ART3: variants seen among roughly 807,000 people sequenced by gnomAD.
ART3 encodes the protein ADP-ribosyltransferase 3 (inactive).
ART3 carries 49 observed loss-of-function variants against 48.5 expected under a neutral mutation model. The ratio of observed to expected loss-of-function variants is 1.01; its 90% confidence interval spans 0.80 to 1.28. The LOEUF is 1.28. Ranked by LOEUF, ART3 falls within the 50% of genes most tolerant of loss-of-function variation. The pLI is 0.00. For missense variants in ART3, 438 were observed against 454.3 expected (o/e 0.96, Z 0.33); for synonymous variants, 145 against 157.2 (o/e 0.92, Z 0.58).
intron 3 of ART3, among the ~76,000 whole-genome samples, chr4:76,085,080 A>T (rs1481345932): frequency 6.6e-6 from 1 of 152,230 alleles, no homozygotes; most frequent in East Asian, 1.9e-4. Flanking sequence ...GACTTGCATT[A>T]AAGGAACACA....
rs1189048087 is a variant in ART3, at chr4:76,046,413, TGTTC to T, written c.-9-29466_-9-29463del. On this transcript the variant is annotated intron_variant, in intron 1 of 9. Coordinates refer to the ART3 transcript ENST00000341029. ...AGATCTTGCACTAGTCTCCACTGAC[TGTTC>T]GGTTTTTGTACTCCTAGAACTGGGG... Among the ~76,000 whole-genome samples the T allele has an allele frequency of 2.0e-5, 3 of 152,062 alleles. 1 individual carries two copies. Among genetic ancestry groups the T allele is most frequent in the Non-Finnish European group, 4.4e-5 (3 of 67,954 alleles).
intron 1 of ART3, chr4:76,034,622 C>A: frequency 1.6e-6 from 1 of 637,142 alleles, no homozygotes; most frequent in Non-Finnish European, 2.7e-6. Context: ...GTTTTTGGTC[C>A]TTTCACCCAC....
intron 3 of ART3, among the ~76,000 whole-genome samples, chr4:76,090,385 G>T (rs1280309731): frequency 6.6e-6 from 1 of 152,214 alleles, no homozygotes; most frequent in East Asian, 1.9e-4. Flanking sequence ...CCAGTTAACA[G>T]GCTAGCAGTA....
chr4:76,068,140 T>A (rs898012229), intron 1 of ART3, among the ~76,000 whole-genome samples: 7 of 152,212 alleles, frequency 4.6e-5, no homozygotes, highest in Admixed American at 3.3e-4. Flanking sequence ...TAGTTTTTGT[T>A]GTTGTTTGTT....
rs998614850 is a variant in ART3, at chr4:76,049,740, C to T, written c.-9-26141C>T. Among the ~76,000 whole-genome samples the T allele has an allele frequency of 2.6e-5, 4 of 151,852 alleles. 1 individual carries two copies. The highest frequency in any genetic ancestry group is 2.9e-5 in the Non-Finnish European group (2 of 67,904). On this transcript the variant is annotated intron_variant, in intron 1 of 9. Transcript: ENST00000341029. ...GATTGTCTCACCGCTCGGCGATAGG[C>T]GATGGTCTTACCGCTCGGCGATAGG... is the stretch of plus-strand genomic sequence containing the variant.
At chr4:76,022,406 T>C in intron 1 of ART3, 1 of 1,613,678 alleles carries the variant, frequency 6.2e-7, no homozygotes, top group Non-Finnish European at 8.5e-7. Flanking sequence ...TTGATGGCCT[T>C]CGATTCTGGA....
intron 1 of ART3, among the ~76,000 whole-genome samples, chr4:76,059,312 G>A (rs2149475832): frequency 6.6e-6 from 1 of 151,868 alleles, no homozygotes; most frequent in East Asian, 1.9e-4. Flanking sequence ...TGCTTTGCAA[G>A]GTCCAAAGAT....
intron 1 of ART3, among the ~76,000 whole-genome samples, chr4:76,016,465 G>T (rs1261798422): frequency 6.6e-6 from 1 of 152,156 alleles, no homozygotes; most frequent in East Asian, 1.9e-4. Context: ...TGGGGGTGGG[G>T]TGACACCAAG....
At chr4:76,011,861 C>T (rs534807986) in intron 1 of ART3, among the ~76,000 whole-genome samples, 35 of 152,272 alleles carry the variant, frequency 2.3e-4, no homozygotes, top group Non-Finnish European at 4.9e-4. Flanking sequence ...CACATTCTCT[C>T]AGGAAGCAGG....
intron 3 of ART3, among the ~76,000 whole-genome samples, chr4:76,090,639 T>A (rs1724667284): frequency 6.6e-6 from 1 of 152,188 alleles, no homozygotes; most frequent in South Asian, 2.1e-4. Context: ...AAGTCAGGGA[T>A]GTGGAGGGCT....
chr4:76,068,548 T>C (rs1352097118), intron 1 of ART3, among the ~76,000 whole-genome samples: 2 of 152,146 alleles, frequency 1.3e-5, no homozygotes, highest in African/African-American at 2.4e-5. Context: ...ATATCACATG[T>C]TACCACTTGT....
chr4:76,047,389 C>A (rs1735611245), intron 1 of ART3, among the ~76,000 whole-genome samples: 1 of 151,858 alleles, frequency 6.6e-6, no homozygotes, highest in African/African-American at 2.4e-5. Flanking sequence ...GTTCAGGGCC[C>A]AGGGCTTGCT....
rs10644249 is a variant in ART3 at position 76,052,714 on chromosome 4, C to CT, written c.-9-23167_-9-23166insT. 3.9e-4 allele frequency among the ~76,000 whole-genome samples: 56 copies of CT among 142,622 alleles called. 2 individuals are homozygous for CT. Among genetic ancestry groups the CT allele is most frequent in the African/African-American group, 6.1e-4 (24 of 39,536 alleles). 93.6% of individuals were successfully genotyped at this position (142,622 alleles called of 152,430 possible). On this transcript the variant is annotated intron_variant, in intron 1 of 9. Coordinates refer to the ART3 transcript ENST00000341029. ...CATGCGTGTACCCAATTTCTTTTTT[C>CT]CTTCTTTTTTTTTTTTTTAAGACAG... is the stretch of plus-strand genomic sequence containing the variant.
At chr4:76,016,109 T>A (rs907552059) in intron 1 of ART3, among the ~76,000 whole-genome samples, 14 of 152,332 alleles carry the variant, frequency 9.2e-5, no homozygotes, top group African/African-American at 2.6e-4. Flanking sequence ...GTTTAAAGGA[T>A]ATTTTCACTG....
At position 76,082,402 on chromosome 4, in the gene ART3, TA is replaced by T; in HGVS notation, c.651del (p.Glu218LysfsTer7). 1 of 1,614,108 alleles carries T rather than the reference TA, an allele frequency of 6.2e-7. No individual in the cohort carries two copies. Among genetic ancestry groups the T allele is most frequent in the Non-Finnish European group, 8.5e-7 (1 of 1,180,032 alleles). ...LGVDIENFLD[K>X]ESERITLIPL... ...GAGTTGACATTGAAAATTTTCTTGA[TA>T]AAGAAAGTGAAAGAATTACTTTAAT... On this transcript the variant is annotated frameshift_variant, in exon 3 of 12. Transcript: ENST00000355810. LOFTEE classifies it high-confidence loss of function.
intron 1 of ART3, among the ~76,000 whole-genome samples, chr4:76,040,764 A>T (rs1001091333): frequency 1.3e-5 from 2 of 152,096 alleles, no homozygotes; most frequent in African/African-American, 4.8e-5. Flanking sequence ...AGGGAGGTTT[A>T]TTTAGTTCTT....
At chr4:76,090,579 C>G (rs368696123) in intron 3 of ART3, among the ~76,000 whole-genome samples, 9 of 152,300 alleles carry the variant, frequency 5.9e-5, no homozygotes, top group African/African-American at 1.7e-4. Context: ...ATGTTTCTAA[C>G]TGTAGACTTC....
At chr4:76,021,300 A>G (rs1430141619) in intron 1 of ART3, 1 of 150,906 alleles carries the variant, frequency 6.6e-6, no homozygotes, top group African/African-American at 2.5e-5. Context: ...GATACATAGT[A>G]CTTAATTACA....
At chr4:76,022,374 G>A in intron 1 of ART3, 3 of 1,613,294 alleles carry the variant, frequency 1.9e-6, no homozygotes, top group Non-Finnish European at 2.5e-6. Flanking sequence ...ACCTTTCCTT[G>A]CTAACTGCTT....
Sources: gnomAD v4.1 joint callset for allele counts (sites outside exome capture counted in the v4.1 genomes callset) on GRCh38, gnomAD v4.1.1 for gene constraint, MANE v1.5 for transcripts, NCBI Gene and HGNC (gene_info 2026-07-23, HGNC 2026-07-21) for gene names.